The following DOCK10 variants were observed in gnomAD, a reference collection of about 807,000 sequenced individuals.
The protein encoded by DOCK10 is dedicator of cytokinesis 10, also known as dedicator of cytokinesis protein 10.
DOCK10 carries 145 observed loss-of-function variants against 280.1 expected under a neutral mutation model. The observed-to-expected ratio is 0.52, with a 90% CI of 0.45 to 0.59. The LOEUF is 0.59. DOCK10 is among the 20% of genes least tolerant of loss of function. The pLI, the probability that DOCK10 is intolerant of heterozygous loss-of-function variation, is 0.00. For missense variants in DOCK10, 2,368 were observed against 2,651.7 expected, an observed-to-expected ratio of 0.89 and a Z score of 2.35; for synonymous variants, 915 against 942.2, an observed-to-expected ratio of 0.97 and a Z score of 0.53.
chr2:225,002,049 G>T (rs1482536771), intron 1 of DOCK10, among the ~76,000 whole-genome samples: 3 of 152,142 alleles, frequency 2.0e-5, no homozygotes, highest in African/African-American at 7.2e-5. Flanking sequence ...TCAGTCAGGG[G>T]GATTCCATAT....
At chr2:224,819,300 A>T (rs1694350648) in intron 29 of DOCK10, 146 bp downstream of exon 29, 1 of 501,912 alleles carries the variant, frequency 2.0e-6, no homozygotes, top group Non-Finnish European at 3.5e-6. Flanking sequence ...CACTCAGCAG[A>T]TGAAACATTA....
chr2:224,838,433 A>G lies in DOCK10; in HGVS notation c.2781-602T>C, dbSNP rs536763077. Among the ~76,000 whole-genome samples, 24 of 152,344 alleles carry G rather than the reference A, an allele frequency of 1.6e-4. No individual in the cohort carries two copies. In the East Asian group the frequency reaches 4.0e-3, roughly 26 times the overall value. On this transcript the variant is annotated intron_variant, in intron 24 of 55. Coordinates refer to ENST00000258390, the MANE Select transcript of DOCK10 (RefSeq NM_014689.3). ...TGCTCCATGGCTATAGTGCTTAGGA[A>G]TATCTCAGAATTTCAACAGATCTAT...
intron 1 of DOCK10, among the ~76,000 whole-genome samples, chr2:225,036,191 T>C (rs1205087103): frequency 6.6e-6 from 1 of 152,194 alleles, no homozygotes; most frequent in Admixed American, 6.5e-5. Context: ...ATAGCAATTA[T>C]TTAAGTCTGT....
intron 1 of DOCK10, among the ~76,000 whole-genome samples, chr2:224,988,330 G>T (rs1261539458): frequency 1.3e-5 from 2 of 152,130 alleles, no homozygotes; most frequent in African/African-American, 4.8e-5. Context: ...TACCTTGTTT[G>T]CTATATATCC....
At chr2:224,941,608 C>G (rs533902191) in intron 1 of DOCK10, among the ~76,000 whole-genome samples, 1 of 152,056 alleles carries the variant, frequency 6.6e-6, no homozygotes, top group Non-Finnish European at 1.5e-5. Context: ...CGTTGGAAGG[C>G]CAAGGTGGGT....
intron 3 of DOCK10, among the ~76,000 whole-genome samples, chr2:224,901,496 T>C (rs982105901): frequency 6.6e-6 from 1 of 152,252 alleles, no homozygotes; most frequent in African/African-American, 2.4e-5. Flanking sequence ...AGTTAGCTTT[T>C]ATGCTTGCCA....
At chr2:224,833,309 C>T (rs559381607) in intron 26 of DOCK10, among the ~76,000 whole-genome samples, 3 of 152,190 alleles carry the variant, frequency 2.0e-5, no homozygotes, top group South Asian at 4.2e-4. Flanking sequence ...ATGACTTCAT[C>T]GTCCATCTTT....
rs553983848 is a variant in DOCK10 at position 225,019,979 on chromosome 2, T to G, written c.123+22273A>C. On this transcript the variant is annotated intron_variant, in intron 1 of 55. Coordinates refer to ENST00000258390, the MANE Select transcript of DOCK10 (RefSeq NM_014689.3). ...ATTGCAAACATATTTGTGATCTATATGTTGTTCCTGAGTGTTAATTCCTGA... is the reference window on the plus strand; with the variant it reads ...ATTGCAAACATATTTGTGATCTATAGGTTGTTCCTGAGTGTTAATTCCTGA... Among the ~76,000 whole-genome samples the G allele has an allele frequency of 1.8e-4, 28 of 152,310 alleles. No individual in the cohort carries two copies. In the South Asian group the frequency reaches 5.6e-3, roughly 30 times the overall value.
chr2:224,828,552 C>A (rs1384397074), intron 27 of DOCK10, among the ~76,000 whole-genome samples: 1 of 152,126 alleles, frequency 6.6e-6, no homozygotes, highest in Admixed American at 6.5e-5. Context: ...AGACAGCATG[C>A]ACCATGGCCA....
At chr2:224,982,475 A>T in intron 1 of DOCK10, 1 of 1,228,144 alleles carries the variant, frequency 8.1e-7, no homozygotes, top group South Asian at 4.3e-5. Context: ...CAGCCGGCTC[A>T]CTCTCCAATC....
intron 7 of DOCK10, among the ~76,000 whole-genome samples, chr2:224,879,233 G>T (rs2125711966): frequency 6.6e-6 from 1 of 152,236 alleles, no homozygotes; most frequent in East Asian, 1.9e-4. Flanking sequence ...CCTTCCGAAG[G>T]CAAATTCCTA....
At chr2:224,982,030 T>C (rs1705773051) in intron 1 of DOCK10, among the ~76,000 whole-genome samples, 1 of 151,742 alleles carries the variant, frequency 6.6e-6, no homozygotes, top group African/African-American at 2.4e-5. Context: ...AAGAAGAAAA[T>C]ATGCTCTTTG....
rs111914523 is a variant in DOCK10 at position 225,011,954 on chromosome 2, T to C, written c.123+30298A>G. On this transcript the variant is annotated intron_variant, in intron 1 of 55. Coordinates refer to ENST00000258390, the MANE Select transcript of DOCK10 (RefSeq NM_014689.3). ...ACTGAATTAAAAACGAGCTCACATG[T>C]ACTGTCGGGAAGAAGAAAAATAAGC... Among the ~76,000 whole-genome samples the C allele has an allele frequency of 7.8e-3, 1,186 of 152,230 alleles. 5 individuals are homozygous for C. The highest frequency in any genetic ancestry group is 0.012 in the Non-Finnish European group (803 of 68,012).
chr2:224,770,365 T>TATA lies in DOCK10; in HGVS notation c.6306-17_6306-16insTAT. 2 of 1,580,470 alleles carry TATA rather than the reference T, an allele frequency of 1.3e-6. No individual in the cohort carries two copies. The highest frequency in any genetic ancestry group is 8.6e-7 in the Non-Finnish European group (1 of 1,163,094). On this transcript the variant is annotated splice_polypyrimidine_tract_variant and intron_variant, in intron 54 of 55. Coordinates refer to ENST00000258390, the MANE Select transcript of DOCK10 (RefSeq NM_014689.3). This position sits in a 1 kb window ranked among gnomAD's most constrained non-coding sequence, Gnocchi z 4.5. ...TGCAAATTGCCTTTAGCGACAGCATTAAACAAATTAAAAACCAGCCCTCGG... is the reference window on the plus strand; with the variant it reads ...TGCAAATTGCCTTTAGCGACAGCATTATAAAACAAATTAAAAACCAGCCCTCGG...
At chr2:225,014,081 A>ATATTTTTTT (rs776104946) in intron 1 of DOCK10, among the ~76,000 whole-genome samples, 5 of 96,822 alleles carry the variant, frequency 5.2e-5, no homozygotes, top group Non-Finnish European at 9.7e-5. Flanking sequence ...GTCTGAATAT[A>ATATTTTTTT]TTGTTTTTTT....
intron 40 of DOCK10, among the ~76,000 whole-genome samples, chr2:224,800,476 C>T (rs6717059): frequency 0.59 from 89,479 of 151,912 alleles, 29,170 homozygotes; most frequent in African/African-American, 0.86. Context: ...ATATCAGTTG[C>T]GGGGTTTCCA....
At chr2:224,833,045 C>T (rs998525573) in intron 26 of DOCK10, among the ~76,000 whole-genome samples, 6 of 152,154 alleles carry the variant, frequency 3.9e-5, no homozygotes, top group African/African-American at 1.4e-4. Flanking sequence ...CCCTTCACTC[C>T]ATATTTTAAC....
At chr2:224,807,359 G>T in intron 33 of DOCK10, 1 of 227,078 alleles carries the variant, frequency 4.4e-6, no homozygotes, top group Admixed American at 5.0e-5. Context: ...GTAGAAAGTG[G>T]TAGGAGAAGG....
At position 224,805,423 on chromosome 2, in the gene DOCK10, C is replaced by G. The variant is rs375818888; in HGVS notation, c.3921G>C (p.Thr1307=). The change falls in exon 35 of 56, where the codon ACG becomes ACC. Residue 1307 remains threonine (T), a synonymous_variant. Coordinates refer to ENST00000258390, the MANE Select transcript of DOCK10 (RefSeq NM_014689.3). The surrounding 1 kb of genome is among the most constrained non-coding windows in gnomAD (Gnocchi z 4.3). Reference sequence around the variant, plus strand: ...GAAGTCATACCTTTTCACAGTTGTCCGTCTTCTCACTGCTCTTCTCATTGG... The same window carrying G: ...GAAGTCATACCTTTTCACAGTTGTCGGTCTTCTCACTGCTCTTCTCATTGG... The part of the protein sequence containing the change: ...PSTNEKSSEK[T]DNCEKIPRPL... 2.5e-6 allele frequency: 4 copies of G among 1,612,716 alleles called. No homozygotes were observed. The highest frequency in any genetic ancestry group is 2.2e-5 in the South Asian group (2 of 91,044).
Sources: gnomAD v4.1 joint callset for allele counts (sites outside exome capture counted in the v4.1 genomes callset) on GRCh38, gnomAD v4.1.1 for gene constraint, Gnocchi (gnomAD v3.1) non-coding constraint, MANE v1.5 for transcripts, NCBI Gene and HGNC (gene_info 2026-07-23, HGNC 2026-07-21) for gene names.